Variants in ARMH4 observed in about 807,000 individuals in gnomAD.
The protein encoded by ARMH4 is armadillo-like helical domain-containing protein 4.
ARMH4 carries 49 observed loss-of-function variants against 61.9 expected under a neutral mutation model. The observed-to-expected ratio is 0.79, with a 90% CI of 0.63 to 1.00. ARMH4 has a LOEUF of 1.00. Ranked by LOEUF, ARMH4 falls within the 50% of genes least tolerant of loss-of-function variation. ARMH4 has a pLI of 0.00. For missense variants in ARMH4, 934 were observed against 930.0 expected (o/e 1.00, Z -0.06); for synonymous variants, 368 against 341.5 (o/e 1.08, Z -0.85).
chr14:58,118,725 G>A (rs368827171), intron 4 of ARMH4, among the ~76,000 whole-genome samples: 5 of 152,186 alleles, frequency 3.3e-5, no homozygotes, highest in East Asian at 3.9e-4. Flanking sequence ...TGTACCAGAC[G>A]AACCTAATTC....
At chr14:58,093,274 C>T (rs1340236718) in intron 5 of ARMH4, among the ~76,000 whole-genome samples, 1 of 152,106 alleles carries the variant, frequency 6.6e-6, no homozygotes, top group Non-Finnish European at 1.5e-5. Flanking sequence ...TGACAACAAA[C>T]TAATAATACA....
At chr14:58,068,647 A>G (rs1884782469) in intron 5 of ARMH4, among the ~76,000 whole-genome samples, 2 of 152,174 alleles carry the variant, frequency 1.3e-5, no homozygotes, top group South Asian at 2.1e-4. Context: ...TGTTACCAGG[A>G]AAGTGTTCCA....
intron 5 of ARMH4, among the ~76,000 whole-genome samples, chr14:58,090,499 A>C (rs182476782): frequency 6.6e-6 from 1 of 152,230 alleles, no homozygotes; most frequent in Admixed American, 6.5e-5. Context: ...AATTGTTCAG[A>C]AATGGGCATG....
intron 5 of ARMH4, among the ~76,000 whole-genome samples, chr14:58,047,705 C>T (rs1235402202): frequency 6.6e-6 from 1 of 152,132 alleles, no homozygotes; most frequent in Non-Finnish European, 1.5e-5. Flanking sequence ...AGTCTGACTC[C>T]TCCCTGCTCC....
chr14:58,090,124 T>C (rs1323113432), intron 5 of ARMH4, among the ~76,000 whole-genome samples: 1 of 152,204 alleles, frequency 6.6e-6, no homozygotes, highest in Non-Finnish European at 1.5e-5. Context: ...CAAGTGTCCA[T>C]TCCAATGTTA....
chr14:58,141,952 T>C (rs1002420214), intron 1 of ARMH4, among the ~76,000 whole-genome samples: 23 of 152,318 alleles, frequency 1.5e-4, no homozygotes, highest in African/African-American at 5.0e-4. Context: ...ATACCCATTA[T>C]TATAAGATAA....
chr14:58,023,714 T>C (rs1594697936), intron 5 of ARMH4, among the ~76,000 whole-genome samples: 3 of 152,338 alleles, frequency 2.0e-5, no homozygotes, highest in East Asian at 1.9e-4. Flanking sequence ...ATGGCAGTTA[T>C]AGCCTTATGA....
chr14:58,125,090 C>T (rs184536710), intron 4 of ARMH4, among the ~76,000 whole-genome samples: 13 of 151,944 alleles, frequency 8.6e-5, no homozygotes, highest in South Asian at 8.4e-4. Context: ...CTTACACTGC[C>T]GGGGTCATCA....
rs758438763 is a variant in ARMH4 at position 58,005,143 on chromosome 14, C to T, written c.2161G>A (p.Gly721Arg). 26 of 1,613,848 alleles carry T rather than the reference C, an allele frequency of 1.6e-5. No homozygotes were observed. The highest frequency in any genetic ancestry group is 2.0e-5 in the Non-Finnish European group (24 of 1,179,942). Reference protein sequence around the residue: ...MSGMLVPVGVGIAGALFILGA... With the variant: ...MSGMLVPVGVRIAGALFILGA... ...AAGATGAACAAGGCTCCAGCTATCC[C>T]AACCCCTACAGGCACCAGCATCCCA... Residue 721 changes from glycine (G) to arginine (R), a missense_variant, in exon 7 of 8, where the codon GGG (glycine) becomes AGG (arginine). Coordinates refer to ENST00000267485, the MANE Select transcript of ARMH4 (RefSeq NM_001001872.4).
At chr14:58,075,208 G>A (rs561153174) in intron 5 of ARMH4, among the ~76,000 whole-genome samples, 22 of 152,244 alleles carry the variant, frequency 1.4e-4, no homozygotes, top group African/African-American at 5.3e-4. Flanking sequence ...GATTCCTCAA[G>A]GATCTAGAAC....
intron 1 of ARMH4, among the ~76,000 whole-genome samples, chr14:58,144,639 G>A (rs1035509530): frequency 1.6e-4 from 25 of 152,300 alleles, no homozygotes; most frequent in African/African-American, 2.2e-4. Flanking sequence ...AGGCCAAGGC[G>A]GGTGGATCAC....
intron 3 of ARMH4, among the ~76,000 whole-genome samples, chr14:58,132,125 T>TTC (rs2139958921): frequency 6.6e-6 from 1 of 152,192 alleles, no homozygotes; most frequent in Non-Finnish European, 1.5e-5. Context: ...AGTCATAGAG[T>TTC]AAGAGCCTAG....
Position 58,142,084 on chromosome 14 carries a change from G to A in ARMH4, c.-56-2670C>T, listed in dbSNP as rs142302115. On this transcript the variant is annotated intron_variant, in intron 1 of 7. Transcript: ENST00000267485. The stretch of plus-strand genomic sequence containing the variant: ...AGTTCTTTTTTTAATCTATTTTGCT[G>A]AGTAGGGCCTTTTCTTTTCCCATCA... Among the ~76,000 whole-genome samples, 23 of 152,158 alleles carry A rather than the reference G, an allele frequency of 1.5e-4. No individual in the cohort carries two copies. In the East Asian group the frequency reaches 4.2e-3, roughly 28 times the overall value.
chr14:58,046,420 A>T (rs1883947518), intron 5 of ARMH4, among the ~76,000 whole-genome samples: 1 of 152,184 alleles, frequency 6.6e-6, no homozygotes, highest in Non-Finnish European at 1.5e-5. Flanking sequence ...ACACTTACAA[A>T]AATTGCCTCA....
At chr14:58,044,239 G>A (rs1831026756) in intron 5 of ARMH4, among the ~76,000 whole-genome samples, 1 of 152,044 alleles carries the variant, frequency 6.6e-6, no homozygotes, top group Non-Finnish European at 1.5e-5. Flanking sequence ...AGTAACCAAA[G>A]CAGCACGGTA....
chr14:58,139,436 C>A (rs2139982448), intron 1 of ARMH4, 22 bp from the exon 2 acceptor site: 2 of 1,315,334 alleles, frequency 1.5e-6, no homozygotes, highest in South Asian at 1.2e-5. Context: ...TAAAGCATAT[C>A]AAACTGTCAT....
At chr14:58,061,249 G>A (rs188937294) in intron 5 of ARMH4, among the ~76,000 whole-genome samples, 79 of 152,268 alleles carry the variant, frequency 5.2e-4, no homozygotes, top group Admixed American at 1.1e-3. Context: ...AGTCTAGGAC[G>A]AGCGACCTTT....
chr14:58,101,768 A>G (rs565753833), intron 4 of ARMH4, among the ~76,000 whole-genome samples: 57 of 152,316 alleles, frequency 3.7e-4, no homozygotes, highest in African/African-American at 1.3e-3. Flanking sequence ...CACCATGGAC[A>G]TGAAGAACCC....
chr14:58,001,811 G>A lies in ARMH4; in HGVS notation c.*2925C>T, dbSNP rs1274059132. On this transcript the variant is annotated 3_prime_UTR_variant, in exon 8 of 8. Coordinates refer to ENST00000267485, the MANE Select transcript of ARMH4 (RefSeq NM_001001872.4). Reference sequence around the variant, plus strand: ...CACAAGTGTCCCAGGTGATTTTTATGAGCCTGCAAATTCTGGAAACACTGC... The same window carrying A: ...CACAAGTGTCCCAGGTGATTTTTATAAGCCTGCAAATTCTGGAAACACTGC... 1.3e-5 allele frequency: 2 copies of A among 152,078 alleles called. No homozygotes were observed. The highest frequency in any genetic ancestry group is 2.9e-5 in the Non-Finnish European group (2 of 68,020). The allele number at this position is 152,078 out of a possible 1,614,324, so 9.4% of individuals were successfully genotyped here.
Sources: gnomAD v4.1 joint callset for allele counts (sites outside exome capture counted in the v4.1 genomes callset) on GRCh38, gnomAD v4.1.1 for gene constraint, MANE v1.5 for transcripts, NCBI Gene and HGNC (gene_info 2026-07-23, HGNC 2026-07-21) for gene names.